Variants in PCDH11X observed in about 807,000 individuals in gnomAD.
The protein encoded by PCDH11X is protocadherin-11 X-linked.
A neutral mutation model predicts 53.3 loss-of-function variants in PCDH11X; 18 were observed. The observed-to-expected ratio is 0.34, with a 90% CI of 0.23 to 0.50. PCDH11X has a LOEUF of 0.50. Among genes scored for constraint, PCDH11X ranks in the 20% least tolerant of loss-of-function variants. PCDH11X has a pLI of 0.98. For missense variants in PCDH11X, 570 were observed against 1,032.4 expected, an observed-to-expected ratio of 0.55 and a Z score of 6.14; for synonymous variants, 279 against 393.3, an observed-to-expected ratio of 0.71 and a Z score of 3.44.
At chrX:92,226,081 C>A (rs752448781) in intron 7 of PCDH11X, among the ~76,000 whole-genome samples, 1 of 111,595 alleles carries the variant, frequency 9.0e-6, no homozygotes, top group East Asian at 2.8e-4. Flanking sequence ...ACAATTTGTA[C>A]CCTTATGTAG....
At position 91,973,679 on chromosome X, in the gene PCDH11X, A is replaced by T. The variant is rs1173331867; in HGVS notation, c.3033+94406A>T. Reference sequence around the variant, plus strand: ...GCCCAGGCTGGAGTGCAGTGGCAGGATCTCGGCTCATTGCAACCTCTGCCT... The same window carrying T: ...GCCCAGGCTGGAGTGCAGTGGCAGGTTCTCGGCTCATTGCAACCTCTGCCT... On this transcript the variant is annotated intron_variant, in intron 6 of 10. Transcript: ENST00000682573. Among the ~76,000 whole-genome samples the T allele has an allele frequency of 3.1e-5, 3 of 96,573 alleles. No homozygotes were observed. In the East Asian group the frequency reaches 9.9e-4, roughly 32 times the overall value. The allele number at this position is 96,573 out of a possible 115,157, so 83.9% of individuals were successfully genotyped here. A position where few individuals can be genotyped will look rare whatever the true frequency, so the allele number is the denominator to read the frequency against.
intron 6 of PCDH11X, among the ~76,000 whole-genome samples, chrX:91,972,595 G>A (rs879105095): frequency 1.9e-5 from 2 of 107,660 alleles, no homozygotes; most frequent in Admixed American, 1.0e-4. Flanking sequence ...TAACGTTTAA[G>A]TCTTTAATCC....
intron 6 of PCDH11X, among the ~76,000 whole-genome samples, chrX:92,111,213 T>C: frequency 2.7e-5 from 1 of 37,325 alleles, no homozygotes. Flanking sequence ...TTGAATCACC[T>C]AACGCTAAAA....
At chrX:92,201,846 T>G (rs2066396862) in intron 7 of PCDH11X, among the ~76,000 whole-genome samples, 1 of 111,888 alleles carries the variant, frequency 8.9e-6, no homozygotes, top group South Asian at 3.7e-4. Context: ...TAGGCAAATT[T>G]TAGTAAAACT....
chrX:92,452,033 G>T (rs970900041), intron 9 of PCDH11X, among the ~76,000 whole-genome samples: 3 of 108,715 alleles, frequency 2.8e-5, no homozygotes, highest in African/African-American at 1.0e-4. Flanking sequence ...ATAAATGTGT[G>T]AATTCTATTG....
chrX:92,163,288 T>C (rs2065674469), intron 6 of PCDH11X, among the ~76,000 whole-genome samples: 1 of 109,427 alleles, frequency 9.1e-6, no homozygotes, highest in Non-Finnish European at 1.9e-5. Flanking sequence ...CAAGCATGGC[T>C]TTTGCGCCTC....
intron 8 of PCDH11X, among the ~76,000 whole-genome samples, chrX:92,363,301 C>A (rs2070388522): frequency 9.0e-6 from 1 of 111,170 alleles, no homozygotes; most frequent in Non-Finnish European, 1.9e-5. Context: ...TAGCTTTCTA[C>A]TTATTTGTGT....
chrX:92,533,321 T>C (rs1265554417), intron 10 of PCDH11X, among the ~76,000 whole-genome samples: 2 of 109,523 alleles, frequency 1.8e-5, no homozygotes, highest in African/African-American at 3.3e-5. Context: ...GAGGACAAAC[T>C]AGAAAAAAAA....
chrX:92,120,738 C>A (rs769474076), intron 6 of PCDH11X, among the ~76,000 whole-genome samples: 1 of 111,873 alleles, frequency 8.9e-6, no homozygotes, highest in South Asian at 3.8e-4. Context: ...GCGACAATTA[C>A]AACATGACTG....
In PCDH11X at chrX:92,512,562, C is replaced by T. The variant is rs2074181915; in HGVS notation, c.3367+44240C>T. Among the ~76,000 whole-genome samples the T allele has an allele frequency of 2.7e-5, 3 of 111,441 alleles. No homozygotes were observed. The South Asian group carries it at 1.1e-3, about 41-fold the overall frequency. ...CTAGGAGGAAATTACTAGAAGGATA[C>T]TTAAATGATGATATGCAAAAGAAAG... On this transcript the variant is annotated intron_variant, in intron 10 of 10. Transcript: ENST00000682573.
intron 8 of PCDH11X, among the ~76,000 whole-genome samples, chrX:92,271,822 G>A (rs1245020993): frequency 1.8e-5 from 2 of 111,913 alleles, no homozygotes; most frequent in Non-Finnish European, 3.8e-5. Context: ...AGTAATTAAA[G>A]TACTAGAATT....
chrX:92,601,644 G>A lies in PCDH11X; in HGVS notation c.3368-16620G>A, dbSNP rs766101825. On this transcript the variant is annotated intron_variant, in intron 10 of 10. Transcript: ENST00000682573. ...GCCGCATTATTCACAGCAGCCAAAA[G>A]TTGGAAGCAACCTAAGAGATTATCC... 3.8e-3 allele frequency among the ~76,000 whole-genome samples: 423 copies of A among 111,419 alleles called. 4 individuals are homozygous for A. Among genetic ancestry groups the A allele is most frequent in the Non-Finnish European group, 6.2e-3 (328 of 53,082 alleles).
chrX:91,898,495 G>A (rs1940834437), intron 6 of PCDH11X, among the ~76,000 whole-genome samples: 1 of 109,128 alleles, frequency 9.2e-6, no homozygotes, highest in African/African-American at 3.3e-5. Context: ...CCAGTTGTAG[G>A]TGAATGTACT....
intron 9 of PCDH11X, among the ~76,000 whole-genome samples, chrX:92,398,894 G>A (rs2071310720): frequency 9.1e-6 from 1 of 110,476 alleles, no homozygotes; most frequent in African/African-American, 3.3e-5. Context: ...TATATTTACA[G>A]CATTTAAAAA....
intron 10 of PCDH11X, among the ~76,000 whole-genome samples, chrX:92,598,449 G>T (rs761942486): frequency 5.1e-4 from 56 of 110,111 alleles, no homozygotes; most frequent in Non-Finnish European, 7.4e-4. Flanking sequence ...ATATGAAAGT[G>T]TGCACAATAT....
chrX:92,038,355 G>T (rs1338445285), intron 6 of PCDH11X, among the ~76,000 whole-genome samples: 1 of 110,496 alleles, frequency 9.1e-6, no homozygotes, highest in Non-Finnish European at 1.9e-5. Flanking sequence ...GGGACTTGGT[G>T]CCCTATGTCC....
At chrX:92,218,684 C>A (rs1396636835) in intron 7 of PCDH11X, among the ~76,000 whole-genome samples, 1 of 111,439 alleles carries the variant, frequency 9.0e-6, no homozygotes, top group Non-Finnish European at 1.9e-5. Context: ...GGAATCCTCC[C>A]CAACTCATTT....
At chrX:92,020,640 C>T (rs1049643539) in intron 6 of PCDH11X, among the ~76,000 whole-genome samples, 12 of 109,891 alleles carry the variant, frequency 1.1e-4, no homozygotes, top group Non-Finnish European at 2.1e-4. Context: ...TCTGGGCAGC[C>T]CAGATAGGTG....
At chrX:91,920,490 A>T (rs980929156) in intron 6 of PCDH11X, among the ~76,000 whole-genome samples, 1 of 109,988 alleles carries the variant, frequency 9.1e-6, no homozygotes, top group Non-Finnish European at 1.9e-5. Flanking sequence ...ATTGCTTTCA[A>T]CTTTGAAAGA....
Sources: allele counts gnomAD v4.1 joint callset (sites outside exome capture counted in the v4.1 genomes callset), GRCh38; gene constraint gnomAD v4.1.1; transcripts MANE v1.5; gene names NCBI Gene and HGNC (gene_info 2026-07-23, HGNC 2026-07-21).